SLC45A4: variants seen among roughly 807,000 people sequenced by gnomAD.
SLC45A4 encodes the protein solute carrier family 45 member 4.
In SLC45A4, 32 loss-of-function variants were observed where a neutral mutation model predicts 63.7. The observed-to-expected ratio is 0.50, with a 90% CI of 0.38 to 0.67. SLC45A4 has a LOEUF of 0.67. Ranked by LOEUF, SLC45A4 falls within the 30% of genes least tolerant of loss-of-function variation. The pLI is 0.00. For synonymous variants in SLC45A4, 535 were observed against 510.0 expected, an observed-to-expected ratio of 1.05 and a Z score of -0.66; for missense variants, 1,027 against 1,157.7, an observed-to-expected ratio of 0.89 and a Z score of 1.64.
intron 2 of SLC45A4, chr8:141,224,582 C>T (rs971714510): frequency 6.6e-6 from 1 of 152,276 alleles, no homozygotes; most frequent in Non-Finnish European, 1.5e-5. Context: ...TCTCGAGTAG[C>T]TGGGTACAGG....
At chr8:141,272,189 A>G (rs1279622888) in intron 1 of SLC45A4, among the ~76,000 whole-genome samples, 1 of 152,196 alleles carries the variant, frequency 6.6e-6, no homozygotes, top group Non-Finnish European at 1.5e-5. Context: ...AGGAAATGCA[A>G]TCTCCCTGGT....
Position 141,215,650 on chromosome 8 carries a change from G to A in SLC45A4, c.1941+109C>T, listed in dbSNP as rs1483044970. On this transcript the variant is annotated intron_variant, in intron 7 of 8. Coordinates refer to ENST00000517878, the MANE Select transcript of SLC45A4 (RefSeq NM_001286646.2). The surrounding 1 kb of genome is among the most constrained non-coding windows in gnomAD (Gnocchi z 4.3). Reference sequence around the variant, plus strand: ...ATCTCAGAACCGGAGAGGAAGGAGGGCCATCTGTGTCGTGAACGTCCCCCC... The same window carrying A: ...ATCTCAGAACCGGAGAGGAAGGAGGACCATCTGTGTCGTGAACGTCCCCCC... The A allele has an allele frequency of 1.8e-6, 2 of 1,107,346 alleles. No homozygotes were observed. Among genetic ancestry groups the A allele is most frequent in the Non-Finnish European group, 2.6e-6 (2 of 757,458 alleles). 68.6% of individuals were successfully genotyped at this position (1,107,346 alleles called of 1,614,324 possible).
intron 2 of SLC45A4, among the ~76,000 whole-genome samples, chr8:141,222,453 G>A (rs924994590): frequency 7.9e-5 from 12 of 152,174 alleles, no homozygotes; most frequent in African/African-American, 2.2e-4. Flanking sequence ...CAGGGAGGTA[G>A]GAAATATGGT....
rs145983261 is a variant in SLC45A4 at position 141,285,576 on chromosome 8, T to G, written c.-401+22520A>C. On this transcript the variant is annotated intron_variant, in intron 1 of 8. Coordinates refer to ENST00000517878, the MANE Select transcript of SLC45A4 (RefSeq NM_001286646.2). Reference sequence around the variant, plus strand: ...ATGCATCTTTACAAGTCCTGTGAGGTCTGCACTCCACCCACTGCACATCCA... The same window carrying G: ...ATGCATCTTTACAAGTCCTGTGAGGGCTGCACTCCACCCACTGCACATCCA... Among the ~76,000 whole-genome samples the G allele has an allele frequency of 5.3e-3, 809 of 152,180 alleles. 5 individuals carry two copies. The highest frequency in any genetic ancestry group is 0.018 in the African/African-American group (748 of 41,506).
chr8:141,240,137 G>C (rs562962554), intron 2 of SLC45A4, among the ~76,000 whole-genome samples: 44 of 152,178 alleles, frequency 2.9e-4, no homozygotes, highest in Non-Finnish European at 5.6e-4. Context: ...TAGTCATTAC[G>C]CCCAGCCTCC....
intron 1 of SLC45A4, among the ~76,000 whole-genome samples, chr8:141,264,805 C>T (rs1282122700): frequency 6.6e-6 from 1 of 152,154 alleles, no homozygotes; most frequent in Non-Finnish European, 1.5e-5. Context: ...TTTCCTCTGC[C>T]CTTATGTTTT....
Position 141,211,562 on chromosome 8 carries a change from C to T in SLC45A4, c.*10G>A, listed in dbSNP as rs773907968. On this transcript the variant is annotated 3_prime_UTR_variant, in exon 9 of 9. Coordinates refer to ENST00000517878, the MANE Select transcript of SLC45A4 (RefSeq NM_001286646.2). Reference sequence around the variant, plus strand: ...CCAACTCGCTGAGGAAAAGAAGATACGTCATTCTTCTAAGAGAACCACATT... The same window carrying T: ...CCAACTCGCTGAGGAAAAGAAGATATGTCATTCTTCTAAGAGAACCACATT... 28 of 1,613,164 alleles carry T rather than the reference C, an allele frequency of 1.7e-5. No homozygotes were observed. The highest frequency in any genetic ancestry group is 2.2e-5 in the East Asian group (1 of 44,882).
intron 3 of SLC45A4, among the ~76,000 whole-genome samples, 173 bp from the exon 4 acceptor site, chr8:141,220,002 G>A (rs981583318): frequency 1.3e-5 from 2 of 152,240 alleles, no homozygotes; most frequent in African/African-American, 4.8e-5. Flanking sequence ...AAGGAGTTGG[G>A]CTTTGTTCCA....
intron 1 of SLC45A4, among the ~76,000 whole-genome samples, chr8:141,284,018 G>A (rs1398695077): frequency 6.6e-6 from 1 of 152,190 alleles, no homozygotes; most frequent in African/African-American, 2.4e-5. Context: ...CATCCTAATG[G>A]CAGGAGCTTC....
chr8:141,282,155 G>A (rs1829977011), intron 1 of SLC45A4, among the ~76,000 whole-genome samples: 1 of 152,172 alleles, frequency 6.6e-6, no homozygotes, highest in Non-Finnish European at 1.5e-5. Context: ...TCAGGACGTC[G>A]AGGATGGAAG....
rs1000801731 is a variant in SLC45A4, at chr8:141,302,722, C to T, written c.-401+5374G>A. On this transcript the variant is annotated intron_variant, in intron 1 of 8. Transcript: ENST00000517878. The stretch of plus-strand genomic sequence containing the variant: ...TCTAAAACATTCCTAATTCATTCAT[C>T]ACTGACAGTGAAAAAGCTGCCTCTA... 4.6e-5 allele frequency among the ~76,000 whole-genome samples: 7 copies of T among 152,330 alleles called. No homozygotes were observed. The South Asian group carries it at 1.4e-3, about 32-fold the overall frequency.
chr8:141,288,944 GAT>G (rs1830252611), intron 1 of SLC45A4, among the ~76,000 whole-genome samples: 1 of 152,226 alleles, frequency 6.6e-6, no homozygotes, highest in Non-Finnish European at 1.5e-5. Context: ...TGCAGTCAGA[GAT>G]GAGTCAGTAC....
At chr8:141,228,538 C>T (rs1369315541) in intron 2 of SLC45A4, 7 of 1,283,502 alleles carry the variant, frequency 5.5e-6, no homozygotes, top group Middle Eastern at 3.1e-4. Flanking sequence ...GCAGGCACTC[C>T]CCGCAGCTGG....
chr8:141,229,070 G>A lies in SLC45A4; in HGVS notation c.242-7305C>T, dbSNP rs921736051. Among the ~76,000 whole-genome samples the A allele has an allele frequency of 6.6e-6, 1 of 152,136 alleles. No homozygotes were observed. Among genetic ancestry groups the A allele is most frequent in the Non-Finnish European group, 1.5e-5 (1 of 68,026 alleles). On this transcript the variant is annotated intron_variant, in intron 2 of 8. Coordinates refer to ENST00000517878, the MANE Select transcript of SLC45A4 (RefSeq NM_001286646.2). This position sits in a 1 kb window ranked among gnomAD's most constrained non-coding sequence, Gnocchi z 5.0. ...CCATGGGACCTTCGAAGACACTGCT[G>A]CCTCTGCCTGAAGTACTTTACCTTC...
Position 141,210,474 on chromosome 8 carries a change from A to T in SLC45A4, c.*1098T>A, listed in dbSNP as rs1212793923. 6.6e-6 allele frequency: 1 copy of T among 152,276 alleles called. No individual in the cohort carries two copies. The highest frequency in any genetic ancestry group is 6.5e-5 in the Admixed American group (1 of 15,282). The allele number at this position is 152,276 out of a possible 1,614,324, so 9.4% of individuals were successfully genotyped here. A position where few individuals can be genotyped will look rare whatever the true frequency, so the allele number is the denominator to read the frequency against. On this transcript the variant is annotated 3_prime_UTR_variant, in exon 9 of 9. Coordinates refer to ENST00000517878, the MANE Select transcript of SLC45A4 (RefSeq NM_001286646.2). ...CGATCCTGGGACACCGTGGCCTGGC[A>T]GACACACCGTGCGTGAGCAGGTACC...
chr8:141,258,060 C>CT (rs3072057), intron 1 of SLC45A4, among the ~76,000 whole-genome samples: 2,826 of 123,244 alleles, frequency 0.023, 78 homozygotes, highest in African/African-American at 0.072. Context: ...TTTCTTCTTC[C>CT]TTTTTTTTTT....
At chr8:141,307,648 G>A (rs1030399940) in intron 1 of SLC45A4, among the ~76,000 whole-genome samples, 2 of 152,148 alleles carry the variant, frequency 1.3e-5, no homozygotes, top group Non-Finnish European at 2.9e-5. Context: ...ATAAGTTAGA[G>A]ATAGCAGGCA....
At chr8:141,211,814 G>A (rs954184733) in intron 8 of SLC45A4, 117 bp from the exon 9 acceptor site, 2 of 1,327,478 alleles carry the variant, frequency 1.5e-6, no homozygotes, top group Non-Finnish European at 1.9e-6. Flanking sequence ...TATAATTTTA[G>A]AAATGCAAAA....
chr8:141,287,695 C>T (rs1830200072), intron 1 of SLC45A4, among the ~76,000 whole-genome samples: 1 of 152,240 alleles, frequency 6.6e-6, no homozygotes, highest in Non-Finnish European at 1.5e-5. Context: ...TTTCACCTGC[C>T]ACCCCGTTCA....
Sources: allele counts gnomAD v4.1 joint callset (sites outside exome capture counted in the v4.1 genomes callset), GRCh38; gene constraint gnomAD v4.1.1; non-coding constraint Gnocchi (gnomAD v3.1); transcripts MANE v1.5; gene names NCBI Gene and HGNC (gene_info 2026-07-23, HGNC 2026-07-21).